FAM13B: variants seen among roughly 807,000 people sequenced by gnomAD.
FAM13B encodes protein FAM13B.
Under a neutral mutation model 117.3 loss-of-function variants are expected in FAM13B, and 60 were observed. The ratio of observed to expected loss-of-function variants is 0.51; its 90% CI spans 0.42 to 0.63. FAM13B has a LOEUF of 0.63. Ranked by LOEUF, FAM13B falls within the 30% of genes least tolerant of loss-of-function variation. The probability of loss-of-function intolerance (pLI) is 0.00; values close to 1 mark genes in which losing one functional copy is unlikely to be tolerated. For synonymous variants in FAM13B, 332 were observed against 356.1 expected, an observed-to-expected ratio of 0.93 and a Z score of 0.76; for missense variants, 972 against 1,091.9, an observed-to-expected ratio of 0.89 and a Z score of 1.55.
chr5:138,016,510 T>C (rs1168951726), intron 4 of FAM13B, among the ~76,000 whole-genome samples: 1 of 152,096 alleles, frequency 6.6e-6, no homozygotes. Context: ...GGTGCGCGCC[T>C]GTAGTCCCAG....
intron 1 of FAM13B, among the ~76,000 whole-genome samples, chr5:138,024,579 TA>T (rs56110483): frequency 2.1e-5 from 3 of 140,150 alleles, no homozygotes; most frequent in Admixed American, 7.2e-5. Flanking sequence ...TATTACATTC[TA>T]AAAAAAAAAA....
intron 1 of FAM13B, among the ~76,000 whole-genome samples, chr5:138,030,719 C>G (rs372008069): frequency 1.3e-4 from 19 of 144,782 alleles, no homozygotes; most frequent in African/African-American, 3.8e-4. Context: ...CGTCCCCCCC[C>G]CCCAAAAAAA....
intron 10 of FAM13B, among the ~76,000 whole-genome samples, chr5:137,971,957 G>C (rs1244287871): frequency 4.0e-5 from 6 of 151,728 alleles, no homozygotes; most frequent in Non-Finnish European, 7.4e-5. Context: ...AGCTGAAATT[G>C]TGGCAATAAT....
At chr5:138,038,650 G>A (rs1008266754) in intron 1 of FAM13B, 1 of 152,232 alleles carries the variant, frequency 6.6e-6, no homozygotes, top group Non-Finnish European at 1.5e-5. Context: ...TTGTGCCAGT[G>A]TGCAAGAATG....
upstream of FAM13B, among the ~76,000 whole-genome samples, chr5:138,035,826 T>A (rs1791103343): frequency 6.6e-6 from 1 of 152,224 alleles, no homozygotes; most frequent in African/African-American, 2.4e-5. Context: ...GTTAACTTTG[T>A]ATGATGGTTT....
chr5:137,940,491 T>G, intron 23 of FAM13B, 143 bp from the exon 24 acceptor site: 2 of 612,412 alleles, frequency 3.3e-6, no homozygotes, highest in South Asian at 2.2e-5. Flanking sequence ...AAAAGGTTAT[T>G]GAACTAATAC....
At chr5:138,026,756 A>G (rs1788516782) in intron 1 of FAM13B, among the ~76,000 whole-genome samples, 1 of 151,478 alleles carries the variant, frequency 6.6e-6, no homozygotes, top group Non-Finnish European at 1.5e-5. Flanking sequence ...CCTGGCCAAC[A>G]TGGTAAAACC....
intron 1 of FAM13B, among the ~76,000 whole-genome samples, chr5:138,021,923 C>G (rs1786835209): frequency 6.6e-6 from 1 of 151,950 alleles, no homozygotes; most frequent in Non-Finnish European, 1.5e-5. Flanking sequence ...TTGAGACCAG[C>G]CTGGGCAATA....
chr5:138,017,077 G>A (rs1326629324), intron 4 of FAM13B, among the ~76,000 whole-genome samples: 3 of 152,128 alleles, frequency 2.0e-5, no homozygotes, highest in Non-Finnish European at 2.9e-5. Flanking sequence ...TGAAAAAAGG[G>A]TAGCCTTACT....
chr5:138,002,064 T>A lies in FAM13B; in HGVS notation c.848+4926A>T, dbSNP rs565875434. On this transcript the variant is annotated intron_variant, in intron 7 of 23. Coordinates refer to ENST00000689681, the MANE Select transcript of FAM13B (RefSeq NM_001385994.1). ...GGATTTAACCAAAGGAATGAAACGC[T>A]CTTACCTCTCTGAAGAGTTCAGAGA... Among the ~76,000 whole-genome samples the A allele has an allele frequency of 2.0e-5, 3 of 152,298 alleles. No homozygotes were observed. In the East Asian group the frequency reaches 5.8e-4, roughly 29 times the overall value.
chr5:138,017,229 G>A (rs1785490561), intron 4 of FAM13B, among the ~76,000 whole-genome samples: 2 of 152,018 alleles, frequency 1.3e-5, no homozygotes, highest in South Asian at 2.1e-4. Context: ...TGTGTAAGAG[G>A]GTCACAGAAC....
intron 7 of FAM13B, among the ~76,000 whole-genome samples, chr5:137,996,558 A>AAC (rs1463006373): frequency 6.6e-6 from 1 of 152,072 alleles, no homozygotes; most frequent in Non-Finnish European, 1.5e-5. Context: ...ATGAAGCCCT[A>AAC]ACATCAGCAA....
In FAM13B at chr5:137,983,213, A is replaced by AAAC. The variant is rs1554073802; in HGVS notation, c.1179+2041_1179+2043dup. ...AAAAAAAAAAAAAAAAAAAAAAAAAAAACCGAGTGAGATATCCTGAATGCC... is the reference window on the plus strand; with the variant it reads ...AAAAAAAAAAAAAAAAAAAAAAAAAAAACAACCGAGTGAGATATCCTGAATGCC... On this transcript the variant is annotated intron_variant, in intron 10 of 23. Transcript: ENST00000689681. Among the ~76,000 whole-genome samples, 21 of 93,698 alleles carry AAAC rather than the reference A, an allele frequency of 2.2e-4. 2 individuals are homozygous for AAAC. The highest frequency in any genetic ancestry group is 3.9e-4 in the Non-Finnish European group (17 of 43,946). The allele number at this position is 93,698 out of a possible 152,430, so 61.5% of individuals were successfully genotyped here.
chr5:137,989,248 C>T lies in FAM13B; in HGVS notation c.849-933G>A, dbSNP rs374573323. 1.2e-4 allele frequency among the ~76,000 whole-genome samples: 19 copies of T among 152,292 alleles called. No homozygotes were observed. The East Asian group carries it at 1.3e-3, about 11-fold the overall frequency. On this transcript the variant is annotated intron_variant, in intron 7 of 23. Transcript: ENST00000689681. ...CTCTAACCAAAATGCAGAACAAACG[C>T]TATGAAGTTAGTATTGTCAGGATCC...
At chr5:137,967,601 G>A (rs1256307382) in intron 10 of FAM13B, among the ~76,000 whole-genome samples, 1 of 152,062 alleles carries the variant, frequency 6.6e-6, no homozygotes, top group East Asian at 1.9e-4. Flanking sequence ...ACTGGAAACA[G>A]AAAAGACGAG....
intron 13 of FAM13B, among the ~76,000 whole-genome samples, chr5:137,958,929 C>G (rs1034672037): frequency 6.6e-6 from 1 of 152,116 alleles, no homozygotes; most frequent in Non-Finnish European, 1.5e-5. Context: ...CATAAACACT[C>G]CAGCATGCAA....
chr5:137,940,404 C>A, intron 23 of FAM13B, 56 bp from the exon 24 acceptor site: 1 of 1,302,132 alleles, frequency 7.7e-7, no homozygotes, highest in Non-Finnish European at 1.1e-6. Context: ...AAAAAAGATC[C>A]AAAAGTTGTC....
At chr5:137,960,587 A>G (rs1352048732) in intron 11 of FAM13B, among the ~76,000 whole-genome samples, 1 of 152,198 alleles carries the variant, frequency 6.6e-6, no homozygotes, top group Non-Finnish European at 1.5e-5. Flanking sequence ...AAACAGCTCT[A>G]TTCTCTCCAT....
chr5:137,961,893 G>A (rs758425795), intron 11 of FAM13B, among the ~76,000 whole-genome samples: 7 of 152,214 alleles, frequency 4.6e-5, no homozygotes, highest in African/African-American at 1.7e-4. Context: ...TACATTAGTC[G>A]AAATACTCAT....
Sources: allele counts gnomAD v4.1 joint callset (sites outside exome capture counted in the v4.1 genomes callset), GRCh38; gene constraint gnomAD v4.1.1; transcripts MANE v1.5; gene names NCBI Gene and HGNC (gene_info 2026-07-23, HGNC 2026-07-21).